CLDN18: variants seen among roughly 807,000 people sequenced by gnomAD.
The protein encoded by CLDN18 is claudin-18.
In CLDN18, 20 loss-of-function variants were observed where a neutral mutation model predicts 25.0. The observed-to-expected ratio is 0.80, with a 90% CI of 0.56 to 1.16. The LOEUF is 1.16. Among genes scored for constraint, CLDN18 ranks in the 50% most tolerant of loss-of-function variants. CLDN18 has a pLI of 0.00. For missense variants in CLDN18, 297 were observed against 345.4 expected (o/e 0.86, Z 1.11); for synonymous variants, 125 against 135.6 (o/e 0.92, Z 0.54).
At chr3:138,023,606 T>G in intron 1 of CLDN18, 52 bp from the exon 2 acceptor site, 1 of 1,572,128 alleles carries the variant, frequency 6.4e-7, no homozygotes, top group Non-Finnish European at 8.7e-7. Context: ...CCTAATCAAG[T>G]GTGCTGAGTT....
intron 1 of CLDN18, 46 bp from the exon 2 acceptor site, chr3:138,023,612 G>T: frequency 6.3e-7 from 1 of 1,595,592 alleles, no homozygotes; most frequent in South Asian, 1.1e-5. Context: ...CAAGTGTGCT[G>T]AGTTGGTCTT....
chr3:138,000,848 G>A (rs545421600), intron 1 of CLDN18, among the ~76,000 whole-genome samples: 126 of 152,296 alleles, frequency 8.3e-4, no homozygotes, highest in African/African-American at 3.0e-3. Context: ...CTGCAGATAC[G>A]AAGTGCCCAA....
At chr3:138,024,001 C>T (rs1942297590) in intron 2 of CLDN18, among the ~76,000 whole-genome samples, 179 bp downstream of exon 2, 1 of 152,004 alleles carries the variant, frequency 6.6e-6, no homozygotes, top group East Asian at 1.9e-4. Flanking sequence ...TCTTAGCTGC[C>T]ACTCCAACCC....
chr3:137,999,909 T>C (rs550365494), intron 1 of CLDN18, among the ~76,000 whole-genome samples: 64 of 152,318 alleles, frequency 4.2e-4, no homozygotes, highest in Non-Finnish European at 7.8e-4. Flanking sequence ...AGTAAGACAA[T>C]GAATAAATTT....
At position 138,030,891 on chromosome 3, in the gene CLDN18, G is replaced by A. The variant is rs893034016; in HGVS notation, c.615-79G>A. The A allele has an allele frequency of 1.2e-5, 16 of 1,330,550 alleles. 1 individual carries two copies. Among genetic ancestry groups the A allele is most frequent in the Non-Finnish European group, 1.5e-5 (14 of 954,902 alleles). 82.4% of individuals were successfully genotyped at this position (1,330,550 alleles called of 1,614,324 possible). On this transcript the variant is annotated intron_variant, in intron 4 of 4. Coordinates refer to ENST00000183605, the MANE Select transcript of CLDN18 (RefSeq NM_016369.4). The stretch of plus-strand genomic sequence containing the variant: ...ACACTGGACTTTCAGTGCCAAGACT[G>A]AGACAGTTTATGGTAAATAGGAGGT...
At chr3:138,013,140 G>A (rs1351670953) in intron 1 of CLDN18, among the ~76,000 whole-genome samples, 1 of 152,128 alleles carries the variant, frequency 6.6e-6, no homozygotes, top group Non-Finnish European at 1.5e-5. Context: ...GCAAGCCATT[G>A]AACTAAAAAC....
chr3:138,003,330 GAA>G lies in CLDN18; in HGVS notation c.220+4244_220+4245del, dbSNP rs572662945. Among the ~76,000 whole-genome samples the G allele has an allele frequency of 3.9e-3, 599 of 152,268 alleles. 3 individuals carry two copies. Among genetic ancestry groups the G allele is most frequent in the African/African-American group, 0.013 (540 of 41,540 alleles). On this transcript the variant is annotated intron_variant, in intron 1 of 4. Transcript: ENST00000343735. ...TCTGGTACAGGGTGCAGACCATGAA[GAA>G]AGGGAAGGCTTCCAAAAGGAATGAC...
At chr3:138,002,189 C>A (rs963766702) in intron 1 of CLDN18, among the ~76,000 whole-genome samples, 2 of 152,120 alleles carry the variant, frequency 1.3e-5, no homozygotes, top group African/African-American at 4.8e-5. Flanking sequence ...GAGGTGTCTA[C>A]GACTTGGTAG....
At chr3:138,025,708 G>T (rs1380186578) in intron 3 of CLDN18, among the ~76,000 whole-genome samples, 1 of 152,180 alleles carries the variant, frequency 6.6e-6, no homozygotes, top group African/African-American at 2.4e-5. Context: ...GAAGTAGGTT[G>T]ACCAACTCAT....
rs1246377862 is a variant in CLDN18 at position 138,010,255 on chromosome 3, G to T, written c.30G>T (p.Ala10=). The T allele has an allele frequency of 6.2e-7, 1 of 1,613,766 alleles. No homozygotes were observed. Among genetic ancestry groups the T allele is most frequent in the Admixed American group, 1.7e-5 (1 of 59,996 alleles). The change falls in exon 1 of 5, where the codon GCG becomes GCT. Residue 10 remains alanine, a synonymous_variant. Transcript: ENST00000183605. The part of the protein sequence containing the change: MSTTTCQVV[A]FLLSILGLAG... The stretch of plus-strand genomic sequence containing the variant: ...CCACCACCACATGCCAAGTGGTGGC[G>T]TTCCTCCTGTCCATCCTGGGGCTGG...
At chr3:138,013,771 G>A (rs537876219) in intron 1 of CLDN18, among the ~76,000 whole-genome samples, 3 of 152,268 alleles carry the variant, frequency 2.0e-5, no homozygotes, top group South Asian at 2.1e-4. Context: ...CAATGAGATT[G>A]CAAAAGAAGA....
intron 1 of CLDN18, among the ~76,000 whole-genome samples, chr3:137,999,416 G>T (rs573787318): frequency 6.6e-6 from 1 of 152,120 alleles, no homozygotes; most frequent in Non-Finnish European, 1.5e-5. Flanking sequence ...CCCAGACTTC[G>T]GCCACTTTGT....
At chr3:138,018,029 G>A (rs983377635) in intron 1 of CLDN18, among the ~76,000 whole-genome samples, 1 of 152,178 alleles carries the variant, frequency 6.6e-6, no homozygotes, top group African/African-American at 2.4e-5. Flanking sequence ...GCCCTAGGAT[G>A]GCCTAGTCAG....
At chr3:137,999,061 G>A (rs1941987384) in exon 1 of CLDN18, 1 of 1,614,196 alleles carries the variant, frequency 6.2e-7, no homozygotes, top group African/African-American at 1.3e-5. Context: ...CGAGTGCCGG[G>A]GCTACTTCAC....
chr3:138,023,899 C>A, intron 2 of CLDN18, 77 bp downstream of exon 2: 1 of 1,419,462 alleles, frequency 7.0e-7, no homozygotes, highest in Non-Finnish European at 9.7e-7. Flanking sequence ...CATGACTCCT[C>A]CCTACTGCTG....
At chr3:138,018,905 G>A (rs1942240869) in intron 1 of CLDN18, among the ~76,000 whole-genome samples, 1 of 152,080 alleles carries the variant, frequency 6.6e-6, no homozygotes, top group African/African-American at 2.4e-5. Flanking sequence ...CTAGATTCAG[G>A]CCTTTCTTTT....
intron 1 of CLDN18, among the ~76,000 whole-genome samples, chr3:138,001,772 C>T (rs1442271150): frequency 1.3e-5 from 2 of 152,110 alleles, no homozygotes; most frequent in Non-Finnish European, 2.9e-5. Flanking sequence ...TTCTTGCATA[C>T]CATCAAGGTT....
intron 4 of CLDN18, among the ~76,000 whole-genome samples, chr3:138,030,498 C>T (rs1200320964): frequency 6.6e-6 from 1 of 152,234 alleles, no homozygotes; most frequent in Non-Finnish European, 1.5e-5. Flanking sequence ...GTGCCTCTAT[C>T]ACCTCATCCA....
intron 1 of CLDN18, among the ~76,000 whole-genome samples, chr3:138,002,242 T>A (rs765032003): frequency 2.0e-4 from 30 of 152,196 alleles, no homozygotes; most frequent in Non-Finnish European, 3.8e-4. Flanking sequence ...GATTGTATTG[T>A]GGTGCTCCTG....
Sources: allele counts gnomAD v4.1 joint callset (sites outside exome capture counted in the v4.1 genomes callset), GRCh38; gene constraint gnomAD v4.1.1; transcripts MANE v1.5; gene names NCBI Gene and HGNC (gene_info 2026-07-23, HGNC 2026-07-21).